SYNE2: variants seen among roughly 807,000 people sequenced by gnomAD.
SYNE2 encodes the protein spectrin repeat containing nuclear envelope protein 2.
SYNE2 carries 431 observed loss-of-function variants against 856.3 expected under a neutral mutation model. The ratio of observed to expected loss-of-function variants is 0.50; its 90% CI spans 0.47 to 0.55. The LOEUF (loss-of-function observed/expected upper bound fraction) is 0.55. SYNE2 is among the 20% of genes least tolerant of loss of function. The probability of loss-of-function intolerance (pLI) is 0.00; values close to 1 mark genes in which losing one functional copy is unlikely to be tolerated. For missense variants in SYNE2, 8,129 were observed against 8,023.2 expected, an observed-to-expected ratio of 1.01 and a Z score of -0.50; for synonymous variants, 2,923 against 2,872.3, an observed-to-expected ratio of 1.02 and a Z score of -0.56.
At chr14:64,203,403 A>G (rs1286959256) in intron 100 of SYNE2, among the ~76,000 whole-genome samples, 2 of 152,222 alleles carry the variant, frequency 1.3e-5, no homozygotes, top group Admixed American at 1.3e-4. Context: ...GATAAGGAAC[A>G]TGCTTGGACC....
chr14:64,072,526 G>C (rs1289343417), intron 52 of SYNE2, among the ~76,000 whole-genome samples: 2 of 150,112 alleles, frequency 1.3e-5, no homozygotes, highest in Admixed American at 6.6e-5. Flanking sequence ...TTGAGACAGA[G>C]TCTTGCTCTG....
chr14:63,950,133 C>T, intron 7 of SYNE2, 127 bp downstream of exon 7: 1 of 1,107,222 alleles, frequency 9.0e-7, no homozygotes, highest in South Asian at 1.3e-5. Context: ...CTCTGTGCTT[C>T]TTCCATACGT....
chr14:64,003,262 T>C lies in SYNE2; in HGVS notation c.4329T>C (p.Ile1443=). The C allele has an allele frequency of 6.2e-7, 1 of 1,613,926 alleles. No homozygotes were observed. The highest frequency in any genetic ancestry group is 2.2e-5 in the East Asian group (1 of 44,884). Residue 1443 remains isoleucine (I), a synonymous_variant, in exon 30 of 116, where the codon ATT becomes ATC. Transcript: ENST00000555002. The part of the protein sequence containing the change: ...IFKNNELLKN[I]QDVQSQISKI... ...AAAATAATGAACTCCTTAAAAATAT[T>C]CAAGATGTGCAGAGTCAAATCAGTA...
chr14:64,139,420 T>A (rs1028399615), intron 79 of SYNE2, among the ~76,000 whole-genome samples: 2 of 151,762 alleles, frequency 1.3e-5, no homozygotes, highest in African/African-American at 4.8e-5. Context: ...TATTATTTTT[T>A]TTTTTATTTG....
At chr14:64,067,712 A>G (rs2097368271) in intron 51 of SYNE2, among the ~76,000 whole-genome samples, 1 of 152,252 alleles carries the variant, frequency 6.6e-6, no homozygotes, top group South Asian at 2.1e-4. Flanking sequence ...TTAAATTTTG[A>G]TAGAACTTGT....
rs369232223 is a variant in SYNE2 at position 64,078,546 on chromosome 14, T to C, written c.11103T>C (p.Asn3701=). ...AAGAAATTAACAATGGGCTTCATAA[T>C]GTTGAAAAGATGTTGCAGCAGAAAA... ...KIEEINNGLH[N]VEKMLQQKSK... The change falls in exon 55 of 116, where the codon AAT becomes AAC. Residue 3701 remains asparagine, a synonymous_variant. Coordinates refer to ENST00000555002, the MANE Select transcript of SYNE2 (RefSeq NM_182914.3). 2 of 1,614,166 alleles carry C rather than the reference T, an allele frequency of 1.2e-6. No homozygotes were observed. The highest frequency in any genetic ancestry group is 1.3e-5 in the African/African-American group (1 of 75,058).
chr14:63,819,239 CT>C (rs200434047), intron 1 of SYNE2, among the ~76,000 whole-genome samples: 203 of 150,860 alleles, frequency 1.3e-3, no homozygotes, highest in African/African-American at 4.7e-3. Flanking sequence ...CTTTTCTTTT[CT>C]TTTTTTTTGA....
intron 57 of SYNE2, among the ~76,000 whole-genome samples, chr14:64,084,000 C>T (rs10138302): frequency 0.07 from 10,681 of 151,740 alleles, 588 homozygotes; most frequent in African/African-American, 0.15. Context: ...TCTTGGCTCA[C>T]CGCAACCTCC....
chr14:63,795,710 A>G (rs926660888), intron 1 of SYNE2, among the ~76,000 whole-genome samples: 3 of 152,160 alleles, frequency 2.0e-5, no homozygotes, highest in Non-Finnish European at 4.4e-5. Flanking sequence ...GTGAATGTTC[A>G]CAGCAGTGTG....
rs866639766 is a variant in SYNE2 at position 64,185,524 on chromosome 14, T to C, written c.17557-900T>C. On this transcript the variant is annotated intron_variant, in intron 96 of 115. Coordinates refer to ENST00000555002, the MANE Select transcript of SYNE2 (RefSeq NM_182914.3). ...TTCTTTTTCTTTTTCTTTTTCTTTT[T>C]TTTTTTTTTTTTTTGAGGTGGAGTC... Among the ~76,000 whole-genome samples, 1,371 of 141,940 alleles carry C rather than the reference T, an allele frequency of 9.7e-3. 33 individuals are homozygous for C. Among genetic ancestry groups the C allele is most frequent in the African/African-American group, 0.034 (1,318 of 38,304 alleles). The allele number at this position is 141,940 out of a possible 152,430, so 93.1% of individuals were successfully genotyped here.
intron 68 of SYNE2, among the ~76,000 whole-genome samples, 154 bp downstream of exon 68, chr14:64,121,215 C>T (rs746782532): frequency 2.0e-5 from 3 of 152,096 alleles, no homozygotes; most frequent in Non-Finnish European, 2.9e-5. Flanking sequence ...CATAGCGAGA[C>T]CCTGTTTCAA....
In SYNE2 at chr14:64,031,212, G is replaced by A. The variant is rs4027404; in HGVS notation, c.7076G>A (p.Ser2359Asn). 1,378,965 of 1,613,954 alleles carry A rather than the reference G, an allele frequency of 0.85. 595,786 individuals are homozygous for A. Among genetic ancestry groups the A allele is most frequent in the Non-Finnish European group, 0.89 (1,048,245 of 1,179,964 alleles). ...CAGGAGATGGAATGTTGTCTCAACAGCATTCTCAAATCAAAACGCTCAACA... is the reference window on the plus strand; with the variant it reads ...CAGGAGATGGAATGTTGTCTCAACAACATTCTCAAATCAAAACGCTCAACA... The part of the protein sequence containing the change: ...AKQEMECCLN[S>N]ILKSKRSTEK... The change falls in exon 45 of 116, where the codon AGC (serine) becomes AAC (asparagine). Residue 2359 changes from serine (S) to asparagine (N), a missense_variant. Physicochemically the swap from Ser to Asn is conservative, Grantham distance 46 (BLOSUM62 1). Coordinates refer to ENST00000555002, the MANE Select transcript of SYNE2 (RefSeq NM_182914.3).
chr14:63,932,808 C>T (rs777508196), intron 2 of SYNE2, among the ~76,000 whole-genome samples: 30 of 152,126 alleles, frequency 2.0e-4, no homozygotes, highest in Non-Finnish European at 3.5e-4. Flanking sequence ...TTTCTATGAA[C>T]GCAGAGAGAT....
At chr14:63,929,734 G>A (rs983965984) in intron 2 of SYNE2, among the ~76,000 whole-genome samples, 32 of 150,812 alleles carry the variant, frequency 2.1e-4, no homozygotes, top group African/African-American at 7.8e-4. Flanking sequence ...TCGCGCCGTT[G>A]CACTCTGGCC....
chr14:64,087,167 T>C (rs2097569844), intron 57 of SYNE2, among the ~76,000 whole-genome samples: 1 of 151,406 alleles, frequency 6.6e-6, no homozygotes, highest in Admixed American at 6.6e-5. Flanking sequence ...GGATTTTGAA[T>C]AAGATTAATA....
intron 6 of SYNE2, among the ~76,000 whole-genome samples, chr14:63,948,722 G>GTA (rs74219864): frequency 0.51 from 51,549 of 101,620 alleles, 15,534 homozygotes; most frequent in South Asian, 0.59. Context: ...ATATATGTGT[G>GTA]TATATATATG....
At chr14:64,061,239 A>G (rs559314379) in intron 49 of SYNE2, among the ~76,000 whole-genome samples, 1 of 152,100 alleles carries the variant, frequency 6.6e-6, no homozygotes, top group Non-Finnish European at 1.5e-5. Context: ...CATTTTTTCA[A>G]ACCCATCATT....
At chr14:64,214,928 C>T (rs1272272043) in intron 106 of SYNE2, among the ~76,000 whole-genome samples, 1 of 152,104 alleles carries the variant, frequency 6.6e-6, no homozygotes, top group African/African-American at 2.4e-5. Context: ...TTTGTAGAAA[C>T]AAGGTCTTGC....
At chr14:63,823,240 G>T (rs906830617) in intron 1 of SYNE2, among the ~76,000 whole-genome samples, 2 of 151,324 alleles carry the variant, frequency 1.3e-5, no homozygotes, top group African/African-American at 4.9e-5. Context: ...GTGCAGTGGC[G>T]CAATCTCGGC....
Sources: gnomAD v4.1 joint callset for allele counts (sites outside exome capture counted in the v4.1 genomes callset) on GRCh38, gnomAD v4.1.1 for gene constraint, MANE v1.5 for transcripts, NCBI Gene and HGNC (gene_info 2026-07-23, HGNC 2026-07-21) for gene names.